Variants in MPHOSPH9 observed in about 807,000 individuals in gnomAD.
MPHOSPH9 encodes the protein M-phase phosphoprotein 9.
Under a neutral mutation model 145.5 loss-of-function variants are expected in MPHOSPH9, and 88 were observed. The ratio of observed to expected loss-of-function variants is 0.60; its 90% CI spans 0.51 to 0.72. The LOEUF is 0.72. Among genes scored for constraint, MPHOSPH9 ranks in the 30% least tolerant of loss-of-function variants. The pLI is 0.00. For missense variants in MPHOSPH9, 1,238 were observed against 1,386.6 expected (o/e 0.89, Z 1.70); for synonymous variants, 435 against 486.2 (o/e 0.89, Z 1.39).
chr12:123,176,599 T>C, intron 16 of MPHOSPH9, 89 bp downstream of exon 16: 1 of 980,062 alleles, frequency 1.0e-6, no homozygotes, highest in Non-Finnish European at 1.5e-6. Flanking sequence ...TAACCCGGAC[T>C]TTCTTATGAT....
At chr12:123,239,624 G>C (rs1357161430) in intron 1 of MPHOSPH9, among the ~76,000 whole-genome samples, 2 of 152,046 alleles carry the variant, frequency 1.3e-5, no homozygotes, top group Non-Finnish European at 2.9e-5. Flanking sequence ...GGATGGTCTC[G>C]ATCTCCTGAC....
At chr12:123,165,598 G>T in intron 17 of MPHOSPH9, 121 bp from the exon 18 acceptor site, 1 of 924,572 alleles carries the variant, frequency 1.1e-6, no homozygotes, top group Non-Finnish European at 1.6e-6. Flanking sequence ...GTGTGGAGGT[G>T]GGGTCTTTAC....
upstream of MPHOSPH9, among the ~76,000 whole-genome samples, chr12:123,234,399 G>C (rs2138731308): frequency 6.6e-6 from 1 of 151,698 alleles, no homozygotes; most frequent in Non-Finnish European, 1.5e-5. Context: ...ATTTTTGTGG[G>C]GGAGGGGGGT....
At chr12:123,219,416 G>T (rs2047104701) in intron 5 of MPHOSPH9, among the ~76,000 whole-genome samples, 1 of 151,398 alleles carries the variant, frequency 6.6e-6, no homozygotes, top group East Asian at 2.0e-4. Flanking sequence ...GGCTAACATG[G>T]TGAAACCCCG....
chr12:123,221,586 C>T lies in MPHOSPH9; in HGVS notation c.658G>A (p.Glu220Lys). Residue 220 changes from glutamate to lysine, a missense_variant, in exon 5 of 24, where the codon GAG becomes AAG. Physicochemically the swap from Glu to Lys is moderately conservative, Grantham distance 56. Transcript: ENST00000606320. The part of the protein sequence containing the change: ...YKSKDPKEFM[E>K]HIDVPKGQYV... The stretch of plus-strand genomic sequence containing the variant: ...TGTCCTTTGGGAACATCTATGTGCT[C>T]CATGAACTCCTTAGGGTCTTTAGAT... The T allele has an allele frequency of 6.2e-7, 1 of 1,614,154 alleles. No homozygotes were observed. Among genetic ancestry groups the T allele is most frequent in the Non-Finnish European group, 8.5e-7 (1 of 1,180,000 alleles).
Position 123,159,166 on chromosome 12 carries a change from T to A in MPHOSPH9, c.3450+1615A>T, listed in dbSNP as rs552594135. On this transcript the variant is annotated intron_variant, in intron 23 of 23. Transcript: ENST00000606320. This position sits in a 1 kb window ranked among gnomAD's most constrained non-coding sequence, Gnocchi z 4.3. ...ATGATCACATTGGCAGGTATTTTTT[T>A]TTATTATTCTTTTTCAGAGACGGAG... is the stretch of plus-strand genomic sequence containing the variant. 1.0e-3 allele frequency among the ~76,000 whole-genome samples: 157 copies of A among 152,232 alleles called. No homozygotes were observed. The highest frequency in any genetic ancestry group is 7.1e-3 in the Admixed American group (109 of 15,294).
intron 23 of MPHOSPH9, chr12:123,160,261 C>T (rs10846473): frequency 0.014 from 2,121 of 152,866 alleles, 39 homozygotes; most frequent in South Asian, 0.055. Flanking sequence ...GAACTCCTGA[C>T]CTCAGGTGAT....
chr12:123,163,478 G>A (rs938982576), intron 19 of MPHOSPH9: 8 of 216,784 alleles, frequency 3.7e-5, no homozygotes, highest in Admixed American at 2.2e-4. Flanking sequence ...GTGTGAAAAC[G>A]GAAATTCAGG....
At position 123,163,131 on chromosome 12, in the gene MPHOSPH9, T is replaced by C. The variant is rs1269442534; in HGVS notation, c.2912A>G (p.Lys971Arg). 1 of 1,576,916 alleles carries C rather than the reference T, an allele frequency of 6.3e-7. No homozygotes were observed. The highest frequency in any genetic ancestry group is 2.0e-5 in the Admixed American group (1 of 49,650). Residue 971 changes from lysine (K) to arginine (R), a missense_variant, in exon 20 of 24, where the codon AAA becomes AGA. Physicochemically the swap from Lys to Arg is conservative, Grantham distance 26 (BLOSUM62 2). Transcript: ENST00000606320. ...PSNRKSSTPTKREIMLTPVTV... is the reference protein window; with the variant it reads ...PSNRKSSTPTRREIMLTPVTV... ...CACTGGTGTTAGCATAATCTCTCTT[T>C]TTGCTATAGAAGAAAATGAAGAGGA...
intron 13 of MPHOSPH9, among the ~76,000 whole-genome samples, chr12:123,181,422 TA>T (rs1187129014): frequency 6.6e-6 from 1 of 152,008 alleles, no homozygotes; most frequent in African/African-American, 2.4e-5. Flanking sequence ...TATTTCAAAA[TA>T]AAGCTGGATG....
At position 123,203,317 on chromosome 12, in the gene MPHOSPH9, T is replaced by G. The variant is rs1158037803; in HGVS notation, c.1253A>C (p.Gln418Pro). Residue 418 changes from glutamine (Q) to proline (P), a missense_variant, in exon 9 of 24, where the codon CAA (glutamine) becomes CCA (proline). This residue lies in a region of MPHOSPH9 where 837 missense variants were observed against 897.5 expected (regional missense o/e 0.93). Transcript: ENST00000606320. ...PSLKDIYYKK[Q>P]RENKQLPERN... ...CTCAGGTAACTGCTTGTTTTCCCTT[T>G]GTTTTTTATAATAAATATCCTTCAG... The G allele has an allele frequency of 1.9e-6, 3 of 1,612,736 alleles. No homozygotes were observed. Among genetic ancestry groups the G allele is most frequent in the Admixed American group, 1.7e-5 (1 of 59,990 alleles).
intron 16 of MPHOSPH9, among the ~76,000 whole-genome samples, chr12:123,174,845 G>A (rs2044757333): frequency 6.6e-6 from 1 of 152,236 alleles, no homozygotes; most frequent in South Asian, 2.1e-4. Context: ...ACCTTTAGTT[G>A]TTTGAGAGAG....
At position 123,202,854 on chromosome 12, in the gene MPHOSPH9, C is replaced by A. The variant is rs147065454; in HGVS notation, c.1551G>T (p.Pro517=). 1.2e-6 allele frequency: 2 copies of A among 1,614,090 alleles called. No individual in the cohort carries two copies. Among genetic ancestry groups the A allele is most frequent in the South Asian group, 1.1e-5 (1 of 91,082 alleles). The change falls in exon 10 of 24, where the codon CCG becomes CCT. Residue 517 remains proline (P), a synonymous_variant. Transcript: ENST00000606320. ...ATGTCTGATTTTTCCAAGAGTCCACCGGAGAAGCTTTTGTGTGTGAGGGAT... is the reference window on the plus strand; with the variant it reads ...ATGTCTGATTTTTCCAAGAGTCCACAGGAGAAGCTTTTGTGTGTGAGGGAT... ...PKYPSHTKAS[P]VDSWKNQTFQ...
chr12:123,243,367 A>G (rs2047975562), intron 1 of MPHOSPH9, among the ~76,000 whole-genome samples: 1 of 152,058 alleles, frequency 6.6e-6, no homozygotes, highest in Admixed American at 6.6e-5. Context: ...CGTCTCTACT[A>G]AAAATACAAA....
intron 16 of MPHOSPH9, among the ~76,000 whole-genome samples, chr12:123,175,019 C>T (rs1283488829): frequency 1.3e-5 from 2 of 152,194 alleles, no homozygotes; most frequent in Non-Finnish European, 2.9e-5. Flanking sequence ...CTGCACCAGA[C>T]TAACTAGTCT....
intron 8 of MPHOSPH9, among the ~76,000 whole-genome samples, chr12:123,203,840 C>T (rs1453677928): frequency 1.3e-5 from 2 of 152,016 alleles, no homozygotes; most frequent in Admixed American, 6.6e-5. Context: ...TGCAAGACCA[C>T]GCCCAGCTAA....
At chr12:123,217,553 G>A (rs1269524698) in intron 6 of MPHOSPH9, among the ~76,000 whole-genome samples, 1 of 152,020 alleles carries the variant, frequency 6.6e-6, no homozygotes, top group Non-Finnish European at 1.5e-5. Context: ...TAAATTATTT[G>A]AAAGTTTATT....
intron 8 of MPHOSPH9, among the ~76,000 whole-genome samples, chr12:123,208,078 C>T (rs531686200): frequency 6.7e-6 from 1 of 149,584 alleles, no homozygotes; most frequent in East Asian, 2.0e-4. Flanking sequence ...ATTAGCCAGG[C>T]ATGGTGGCGC....
In MPHOSPH9 at chr12:123,165,332, T is replaced by C; in HGVS notation, c.2737A>G (p.Thr913Ala). 6.2e-7 allele frequency: 1 copy of C among 1,613,966 alleles called. No individual in the cohort carries two copies. Among genetic ancestry groups the C allele is most frequent in the Middle Eastern group, 1.7e-4 (1 of 6,060 alleles). Reference protein sequence around the residue: ...DEGKIFKNWGTQTEKEDTSNI... With the variant: ...DEGKIFKNWGAQTEKEDTSNI... ...GAGGTGTCCTCTTTCTCTGTCTGTGTCCCCCAATTTTTAAATATTTTTCCC... is the reference window on the plus strand; with the variant it reads ...GAGGTGTCCTCTTTCTCTGTCTGTGCCCCCCAATTTTTAAATATTTTTCCC... The change falls in exon 18 of 24, where the codon ACA becomes GCA. Residue 913 changes from threonine (T) to alanine (A), a missense_variant. Transcript: ENST00000606320.
Sources: allele counts gnomAD v4.1 joint callset (sites outside exome capture counted in the v4.1 genomes callset), GRCh38; gene constraint gnomAD v4.1.1; regional missense constraint gnomAD v4.1.1; non-coding constraint Gnocchi (gnomAD v3.1); transcripts MANE v1.5; gene names NCBI Gene and HGNC (gene_info 2026-07-23, HGNC 2026-07-21).